The following FBXL7 variants were observed in gnomAD, a reference collection of about 807,000 sequenced individuals.
FBXL7 encodes the protein F-box and leucine rich repeat protein 7.
In FBXL7, 12 loss-of-function variants were observed where a neutral mutation model predicts 38.3. The observed-to-expected ratio is 0.31, with a 90% CI of 0.20 to 0.51. The LOEUF (loss-of-function observed/expected upper bound fraction) is 0.51, where lower values mean the gene tolerates loss of function less well. Ranked by LOEUF, FBXL7 falls within the 20% of genes least tolerant of loss-of-function variation. The pLI, the probability that FBXL7 is intolerant of heterozygous loss-of-function variation, is 0.98. For missense variants in FBXL7, 567 were observed against 676.4 expected, an observed-to-expected ratio of 0.84 and a Z score of 1.79; for synonymous variants, 297 against 300.9, an observed-to-expected ratio of 0.99 and a Z score of 0.13.
intron 2 of FBXL7, among the ~76,000 whole-genome samples, chr5:15,830,781 G>C (rs1382927071): frequency 2.0e-5 from 3 of 152,114 alleles, no homozygotes; most frequent in Admixed American, 6.5e-5. Flanking sequence ...CCTATTGACT[G>C]TGCCCAAAGG....
intron 1 of FBXL7, among the ~76,000 whole-genome samples, chr5:15,562,334 A>G (rs1264826489): frequency 6.6e-6 from 1 of 152,138 alleles, no homozygotes; most frequent in Non-Finnish European, 1.5e-5. Context: ...AGCCAATGGA[A>G]TGGGAGAAAA....
chr5:15,683,621 T>A (rs1254079556), intron 2 of FBXL7, among the ~76,000 whole-genome samples: 4 of 152,158 alleles, frequency 2.6e-5, no homozygotes, highest in African/African-American at 9.7e-5. Flanking sequence ...TCAAAGCATA[T>A]CTGTAAAAAG....
chr5:15,781,745 C>G (rs1018997919), intron 2 of FBXL7, among the ~76,000 whole-genome samples: 1 of 152,106 alleles, frequency 6.6e-6, no homozygotes, highest in Non-Finnish European at 1.5e-5. Context: ...AGCTAGACCT[C>G]TCTTGATAAG....
chr5:15,601,620 C>T (rs1012965029), intron 1 of FBXL7, among the ~76,000 whole-genome samples: 7 of 152,114 alleles, frequency 4.6e-5, no homozygotes, highest in Non-Finnish European at 8.8e-5. Flanking sequence ...GTGCCAAGTG[C>T]CTGCTTTTTC....
intron 1 of FBXL7, among the ~76,000 whole-genome samples, chr5:15,560,663 C>T (rs1561027916): frequency 6.6e-6 from 1 of 152,156 alleles, no homozygotes; most frequent in East Asian, 1.9e-4. Context: ...ATGCCCGTGA[C>T]CCAGCTTAAA....
At chr5:15,792,181 G>T (rs1269868760) in intron 2 of FBXL7, among the ~76,000 whole-genome samples, 3 of 152,176 alleles carry the variant, frequency 2.0e-5, no homozygotes, top group African/African-American at 7.2e-5. Context: ...CATCGTAGCT[G>T]TCAAGCATTG....
chr5:15,552,191 T>G (rs760090330), intron 1 of FBXL7, among the ~76,000 whole-genome samples: 3 of 152,224 alleles, frequency 2.0e-5, no homozygotes, highest in Non-Finnish European at 4.4e-5. Context: ...TCAGTTTAAT[T>G]TCATCATTTA....
Position 15,799,654 on chromosome 5 carries a change from G to A in FBXL7, c.128-128236G>A, listed in dbSNP as rs115874236. Among the ~76,000 whole-genome samples the A allele has an allele frequency of 4.2e-3, 632 of 152,234 alleles. 6 individuals are homozygous for A. Among genetic ancestry groups the A allele is most frequent in the Non-Finnish European group, 6.7e-3 (457 of 68,000 alleles). The stretch of plus-strand genomic sequence containing the variant: ...TAGGATTACAGGCGTGAGCCACCAC[G>A]CCCTGCCAAACCTCTTTCTAAAAAG... On this transcript the variant is annotated intron_variant, in intron 2 of 3. Transcript: ENST00000504595.
chr5:15,715,784 A>G (rs1237733532), intron 2 of FBXL7, among the ~76,000 whole-genome samples: 1 of 152,200 alleles, frequency 6.6e-6, no homozygotes, highest in African/African-American at 2.4e-5. Context: ...ATAGCCTGGA[A>G]TCTGATTCCT....
intron 1 of FBXL7, among the ~76,000 whole-genome samples, chr5:15,591,428 C>CAA (rs199519096): frequency 7.1e-4 from 70 of 99,096 alleles, no homozygotes; most frequent in South Asian, 1.6e-3. Flanking sequence ...GACTCTGTCT[C>CAA]AAAAAAAAAA....
intron 2 of FBXL7, among the ~76,000 whole-genome samples, chr5:15,896,786 C>A (rs1271463705): frequency 6.6e-6 from 1 of 151,894 alleles, no homozygotes; most frequent in Non-Finnish European, 1.5e-5. Context: ...CAGATTTGCC[C>A]AACTTAAGGC....
chr5:15,550,774 C>G (rs576792622), intron 1 of FBXL7, among the ~76,000 whole-genome samples: 1 of 152,336 alleles, frequency 6.6e-6, no homozygotes, highest in South Asian at 2.1e-4. Context: ...CTTGCTCATT[C>G]CGGGACTGCC....
chr5:15,572,950 A>G (rs527341269), intron 1 of FBXL7, among the ~76,000 whole-genome samples: 1 of 152,190 alleles, frequency 6.6e-6, no homozygotes, highest in East Asian at 1.9e-4. Flanking sequence ...TAAGCGTAGA[A>G]TTTTTCTTTG....
In FBXL7 at chr5:15,760,461, T is replaced by A. The variant is rs187895345; in HGVS notation, c.127+144389T>A. The stretch of plus-strand genomic sequence containing the variant: ...AAAAAGAAAAAAGTTGAGAGAGTCC[T>A]AGATGAAAGTATTCAGGTCCGTCAT... On this transcript the variant is annotated intron_variant, in intron 2 of 3. Coordinates refer to ENST00000504595, the MANE Select transcript of FBXL7 (RefSeq NM_012304.5). Among the ~76,000 whole-genome samples, 353 of 151,874 alleles carry A rather than the reference T, an allele frequency of 2.3e-3. 3 individuals carry two copies. The highest frequency in any genetic ancestry group is 8.1e-3 in the African/African-American group (336 of 41,466).
chr5:15,759,129 T>C (rs962748023), intron 2 of FBXL7, among the ~76,000 whole-genome samples: 1 of 152,186 alleles, frequency 6.6e-6, no homozygotes, highest in Non-Finnish European at 1.5e-5. Flanking sequence ...TCTGCAAACA[T>C]GAGGCTATAT....
chr5:15,850,439 T>C (rs1416813654), intron 2 of FBXL7, among the ~76,000 whole-genome samples: 2 of 152,048 alleles, frequency 1.3e-5, no homozygotes, highest in Non-Finnish European at 2.9e-5. Flanking sequence ...AGAAAGGGGG[T>C]ATTGCCAGGT....
At chr5:15,806,737 C>T (rs1413533203) in intron 2 of FBXL7, among the ~76,000 whole-genome samples, 3 of 152,074 alleles carry the variant, frequency 2.0e-5, no homozygotes, top group African/African-American at 4.8e-5. Context: ...CTGATGAATG[C>T]GCCACAGGAG....
chr5:15,805,266 A>G (rs143719629), intron 2 of FBXL7, among the ~76,000 whole-genome samples: 1 of 152,316 alleles, frequency 6.6e-6, no homozygotes, highest in Admixed American at 6.5e-5. Flanking sequence ...TGCCCACAAC[A>G]GCTTTATAGA....
chr5:15,586,553 C>A (rs1306111568), intron 1 of FBXL7, among the ~76,000 whole-genome samples: 1 of 152,012 alleles, frequency 6.6e-6, no homozygotes, highest in Non-Finnish European at 1.5e-5. Context: ...GATGGAGAAA[C>A]CTCTTATTAC....
Sources: gnomAD v4.1 joint callset for allele counts (sites outside exome capture counted in the v4.1 genomes callset) on GRCh38, gnomAD v4.1.1 for gene constraint, MANE v1.5 for transcripts, NCBI Gene and HGNC (gene_info 2026-07-23, HGNC 2026-07-21) for gene names.